CWF19L2: variants seen among roughly 807,000 people sequenced by gnomAD.
CWF19L2 encodes the protein CWF19-like protein 2.
A neutral mutation model predicts 111.7 loss-of-function variants in CWF19L2; 98 were observed. That is an observed-to-expected ratio of 0.88 (90% CI 0.75 to 1.04). The LOEUF (loss-of-function observed/expected upper bound fraction) is 1.04. CWF19L2 is among the 50% of genes least tolerant of loss of function. The probability of loss-of-function intolerance (pLI) is 0.00; values close to 1 mark genes in which losing one functional copy is unlikely to be tolerated. For synonymous variants in CWF19L2, 351 were observed against 342.9 expected, an observed-to-expected ratio of 1.02 and a Z score of -0.26; for missense variants, 1,101 against 1,051.4, an observed-to-expected ratio of 1.05 and a Z score of -0.65.
chr11:107,402,053 T>C (rs1488998772), intron 10 of CWF19L2, among the ~76,000 whole-genome samples: 1 of 152,106 alleles, frequency 6.6e-6, no homozygotes, highest in Admixed American at 6.5e-5. Context: ...AACTGGATGC[T>C]CATCTCTCAC....
intron 17 of CWF19L2, among the ~76,000 whole-genome samples, chr11:107,328,373 C>G (rs1859794184): frequency 6.6e-6 from 1 of 152,072 alleles, no homozygotes; most frequent in Admixed American, 6.6e-5. Flanking sequence ...CTATAAAATA[C>G]CAAGTTTTGT....
chr11:107,367,863 C>G (rs532648847), intron 12 of CWF19L2, among the ~76,000 whole-genome samples: 1 of 136,986 alleles, frequency 7.3e-6, no homozygotes, highest in East Asian at 2.1e-4. Context: ...TTTTTGTACA[C>G]TGATTTTGTA....
intron 16 of CWF19L2, among the ~76,000 whole-genome samples, chr11:107,331,174 T>C (rs1012294291): frequency 2.0e-5 from 3 of 152,150 alleles, no homozygotes; most frequent in African/African-American, 7.2e-5. Flanking sequence ...TGACCTTGAC[T>C]ATTAGGAAAA....
intron 12 of CWF19L2, among the ~76,000 whole-genome samples, chr11:107,364,289 C>T (rs1860403731): frequency 6.9e-6 from 1 of 145,404 alleles, no homozygotes; most frequent in South Asian, 2.2e-4. Context: ...ACAAGGATAC[C>T]CAGGAATTGA....
At chr11:107,332,154 T>C (rs1859859171) in intron 16 of CWF19L2, among the ~76,000 whole-genome samples, 1 of 152,214 alleles carries the variant, frequency 6.6e-6, no homozygotes, top group South Asian at 2.1e-4. Flanking sequence ...GAGAAGTGCT[T>C]TCCTTAGTTT....
intron 13 of CWF19L2, among the ~76,000 whole-genome samples, 170 bp downstream of exon 13, chr11:107,353,354 A>G (rs1171776375): frequency 1.3e-5 from 2 of 152,218 alleles, no homozygotes; most frequent in Admixed American, 1.3e-4. Flanking sequence ...TGCTTTGTAT[A>G]CAATGGAGAA....
At chr11:107,362,185 T>C (rs950618641) in intron 12 of CWF19L2, among the ~76,000 whole-genome samples, 1 of 111,774 alleles carries the variant, frequency 8.9e-6, no homozygotes, top group African/African-American at 4.0e-5. Context: ...GCCCACGGAG[T>C]CTCGCTGATT....
intron 3 of CWF19L2, among the ~76,000 whole-genome samples, chr11:107,452,368 C>T (rs904194837): frequency 2.0e-5 from 3 of 151,536 alleles, no homozygotes; most frequent in African/African-American, 4.9e-5. Context: ...ATTCCACTCA[C>T]GATAGCACTT....
In CWF19L2 at chr11:107,368,983, C is replaced by T. The variant is rs1860471979; in HGVS notation, c.1873-15247G>A. On this transcript the variant is annotated intron_variant, in intron 12 of 17. Coordinates refer to ENST00000282251, the MANE Select transcript of CWF19L2 (RefSeq NM_152434.3). The stretch of plus-strand genomic sequence containing the variant: ...AGAGACTATGATGATCAACTATATG[C>T]TCACAAACTGGAAAACCTAGAGAAA... 1.5e-5 allele frequency among the ~76,000 whole-genome samples: 2 copies of T among 137,072 alleles called. 1 individual carries two copies. The highest frequency in any genetic ancestry group is 5.8e-5 in the African/African-American group (2 of 34,262). The allele number at this position is 137,072 out of a possible 152,430, so 89.9% of individuals were successfully genotyped here.
intron 3 of CWF19L2, among the ~76,000 whole-genome samples, chr11:107,449,792 A>T (rs1040432636): frequency 6.6e-6 from 1 of 152,084 alleles, no homozygotes; most frequent in African/African-American, 2.4e-5. Flanking sequence ...ACAAAGGAAA[A>T]AAGAACAAAG....
chr11:107,373,870 G>GA (rs1336062441), intron 12 of CWF19L2, among the ~76,000 whole-genome samples: 1 of 133,342 alleles, frequency 7.5e-6, no homozygotes, highest in Non-Finnish European at 1.6e-5. Context: ...TGAAAACTTT[G>GA]AAAAAAATTT....
At chr11:107,408,167 C>A (rs369851919) in intron 10 of CWF19L2, among the ~76,000 whole-genome samples, 2 of 152,070 alleles carry the variant, frequency 1.3e-5, no homozygotes, top group South Asian at 4.1e-4. Flanking sequence ...CTTTGAAGGA[C>A]CGTCAAAGGA....
In CWF19L2 at chr11:107,326,731, A is replaced by G. The variant is rs1009292640; in HGVS notation, c.*179T>C. ...ATGGTGACTAAAATGAAGTCCATAG[A>G]TAGGAGCAGGTGAAGAAGAAAACAA... On this transcript the variant is annotated 3_prime_UTR_variant, in exon 18 of 18. Transcript: ENST00000282251. 1 of 469,262 alleles carries G rather than the reference A, an allele frequency of 2.1e-6. No homozygotes were observed. The highest frequency in any genetic ancestry group is 2.0e-5 in the African/African-American group (1 of 49,612). The allele number at this position is 469,262 out of a possible 1,614,324, so 29.1% of individuals were successfully genotyped here.
chr11:107,345,546 G>GA (rs887459918), intron 14 of CWF19L2: 22 of 440,578 alleles, frequency 5.0e-5, no homozygotes, highest in Non-Finnish European at 8.2e-5. Flanking sequence ...AACAAAAACT[G>GA]AAAAAATACT....
chr11:107,397,496 C>G (rs1176639822), intron 10 of CWF19L2, among the ~76,000 whole-genome samples: 1 of 152,164 alleles, frequency 6.6e-6, no homozygotes, highest in African/African-American at 2.4e-5. Flanking sequence ...TCCCATCCCC[C>G]ACAGCAGCCC....
intron 14 of CWF19L2, among the ~76,000 whole-genome samples, chr11:107,339,754 C>T (rs955882987): frequency 3.3e-5 from 5 of 151,272 alleles, no homozygotes; most frequent in African/African-American, 7.3e-5. Flanking sequence ...AAGACTCTGC[C>T]TCCCAGGTTC....
At chr11:107,431,774 A>G (rs1591200945) in intron 7 of CWF19L2, among the ~76,000 whole-genome samples, 1 of 152,162 alleles carries the variant, frequency 6.6e-6, no homozygotes, top group Non-Finnish European at 1.5e-5. Flanking sequence ...AAATCAATGA[A>G]ACAGATCCGA....
intron 12 of CWF19L2, among the ~76,000 whole-genome samples, chr11:107,372,240 T>C (rs1860520940): frequency 7.4e-6 from 1 of 136,014 alleles, no homozygotes; most frequent in Admixed American, 7.2e-5. Flanking sequence ...ATAGCTGTGA[T>C]GGCAATTTGA....
intron 17 of CWF19L2, among the ~76,000 whole-genome samples, chr11:107,328,605 G>T (rs111792157): frequency 6.6e-6 from 1 of 152,256 alleles, no homozygotes; most frequent in South Asian, 2.1e-4. Context: ...CTCCAAAACT[G>T]AATCATATAA....
Sources: allele counts gnomAD v4.1 joint callset (sites outside exome capture counted in the v4.1 genomes callset), GRCh38; gene constraint gnomAD v4.1.1; transcripts MANE v1.5; gene names NCBI Gene and HGNC (gene_info 2026-07-23, HGNC 2026-07-21).